The following IMMP2L variants were observed in gnomAD, a reference collection of about 807,000 sequenced individuals.
IMMP2L encodes inner mitochondrial membrane peptidase subunit 2.
In IMMP2L, 18 loss-of-function variants were observed where a neutral mutation model predicts 19.3. That is an observed-to-expected ratio of 0.93 (90% CI 0.64 to 1.38). The LOEUF (loss-of-function observed/expected upper bound fraction) is 1.38, where lower values mean the gene tolerates loss of function less well. Among genes scored for constraint, IMMP2L ranks in the 40% most tolerant of loss-of-function variants. IMMP2L has a pLI of 0.00. For synonymous variants in IMMP2L, 76 were observed against 73.0 expected, an observed-to-expected ratio of 1.04 and a Z score of -0.21; for missense variants, 233 against 218.2, an observed-to-expected ratio of 1.07 and a Z score of -0.43.
At chr7:111,431,966 T>C (rs1836675957) in intron 3 of IMMP2L, among the ~76,000 whole-genome samples, 1 of 151,840 alleles carries the variant, frequency 6.6e-6, no homozygotes, top group African/African-American at 2.4e-5. Context: ...AACAAAAAGT[T>C]AGTACTCAGA....
intron 3 of IMMP2L, among the ~76,000 whole-genome samples, chr7:111,389,861 C>T (rs1832162805): frequency 1.3e-5 from 2 of 152,030 alleles, no homozygotes; most frequent in South Asian, 4.2e-4. Context: ...CTAATACAGC[C>T]TATATAATTC....
chr7:111,440,174 A>G (rs1277196038), intron 3 of IMMP2L, among the ~76,000 whole-genome samples: 1 of 151,262 alleles, frequency 6.6e-6, no homozygotes, highest in African/African-American at 2.4e-5. Flanking sequence ...TGGTATTTTG[A>G]CCTCCTCCCA....
chr7:110,979,343 T>A (rs1821013588), intron 3 of IMMP2L, among the ~76,000 whole-genome samples: 1 of 152,156 alleles, frequency 6.6e-6, no homozygotes, highest in Admixed American at 6.5e-5. Flanking sequence ...TTATAATGGT[T>A]AGTAGCATTT....
At chr7:111,447,339 T>C (rs1178197656) in intron 3 of IMMP2L, among the ~76,000 whole-genome samples, 1 of 138,228 alleles carries the variant, frequency 7.2e-6, no homozygotes, top group Non-Finnish European at 1.6e-5. Context: ...GGGAAGCCCA[T>C]CAGACTAACA....
intron 3 of IMMP2L, among the ~76,000 whole-genome samples, chr7:111,447,589 G>C (rs924874824): frequency 1.3e-5 from 2 of 150,272 alleles, no homozygotes; most frequent in African/African-American, 4.9e-5. Context: ...ACCGGTACCA[G>C]CCGCTGCAAA....
chr7:111,547,624 T>C (rs149285758), intron 1 of IMMP2L, among the ~76,000 whole-genome samples: 2,484 of 151,740 alleles, frequency 0.016, 65 homozygotes, highest in African/African-American at 0.057. Context: ...GGTGTGATTA[T>C]GGCTCACTGC....
At chr7:111,200,665 T>C (rs1229505742) in intron 3 of IMMP2L, among the ~76,000 whole-genome samples, 1 of 152,028 alleles carries the variant, frequency 6.6e-6, no homozygotes, top group African/African-American at 2.4e-5. Context: ...TAATAAATAA[T>C]AGACATAATA....
Position 111,213,483 on chromosome 7 carries a change from G to A in IMMP2L, c.240-249918C>T, listed in dbSNP as rs1811555215. On this transcript the variant is annotated intron_variant, in intron 3 of 5. Coordinates refer to ENST00000405709, the MANE Select transcript of IMMP2L (RefSeq NM_032549.4). This position sits in a 1 kb window ranked among gnomAD's most constrained non-coding sequence, Gnocchi z 4.8. ...CTAGCAAGGCCCCACCTTCAAGCTGGGGAGGGCCTGAAGCCCTCCAGGGGC... is the reference window on the plus strand; with the variant it reads ...CTAGCAAGGCCCCACCTTCAAGCTGAGGAGGGCCTGAAGCCCTCCAGGGGC... Among the ~76,000 whole-genome samples the A allele has an allele frequency of 6.6e-6, 1 of 152,144 alleles. No individual in the cohort carries two copies. The highest frequency in any genetic ancestry group is 1.5e-5 in the Non-Finnish European group (1 of 68,022).
chr7:111,026,147 A>G (rs1238927780), intron 3 of IMMP2L, among the ~76,000 whole-genome samples: 1 of 152,202 alleles, frequency 6.6e-6, no homozygotes, highest in East Asian at 1.9e-4. Flanking sequence ...AACTAAGTCT[A>G]TAACAGTCAC....
At chr7:111,253,470 G>GT (rs1463480309) in intron 3 of IMMP2L, among the ~76,000 whole-genome samples, 1 of 152,082 alleles carries the variant, frequency 6.6e-6, no homozygotes. Flanking sequence ...GGAATTTCAG[G>GT]TAACATGACA....
At chr7:111,146,762 G>GA (rs1456119639) in intron 3 of IMMP2L, among the ~76,000 whole-genome samples, 1 of 151,962 alleles carries the variant, frequency 6.6e-6, no homozygotes, top group Non-Finnish European at 1.5e-5. Context: ...GAAACGTTTT[G>GA]AAAAAAACAA....
At chr7:111,450,193 A>T (rs2131896409) in intron 3 of IMMP2L, among the ~76,000 whole-genome samples, 1 of 151,358 alleles carries the variant, frequency 6.6e-6, no homozygotes, top group South Asian at 2.1e-4. Context: ...CTTTCTTCAC[A>T]GAATTGGAAA....
intron 3 of IMMP2L, among the ~76,000 whole-genome samples, chr7:111,075,895 T>C (rs1165448438): frequency 6.6e-6 from 1 of 152,176 alleles, no homozygotes; most frequent in Non-Finnish European, 1.5e-5. Flanking sequence ...TTCTGAACTA[T>C]TAGAAAAAAA....
At chr7:111,168,456 A>T (rs192040309) in intron 3 of IMMP2L, among the ~76,000 whole-genome samples, 1 of 152,032 alleles carries the variant, frequency 6.6e-6, no homozygotes, top group Non-Finnish European at 1.5e-5. Flanking sequence ...AGAGTAGGTC[A>T]GTGCATTTTA....
intron 3 of IMMP2L, among the ~76,000 whole-genome samples, chr7:111,412,215 G>T (rs1407046312): frequency 6.6e-6 from 1 of 151,698 alleles, no homozygotes; most frequent in African/African-American, 2.4e-5. Flanking sequence ...AATAATAGCT[G>T]GAGATTTCAA....
chr7:111,474,037 G>A (rs1001480897), intron 3 of IMMP2L, among the ~76,000 whole-genome samples: 1 of 152,094 alleles, frequency 6.6e-6, no homozygotes, highest in Non-Finnish European at 1.5e-5. Flanking sequence ...AACGCAGATG[G>A]AGGCCATTAT....
intron 3 of IMMP2L, among the ~76,000 whole-genome samples, chr7:111,417,978 T>G (rs746103276): frequency 2.0e-5 from 3 of 151,828 alleles, no homozygotes; most frequent in Non-Finnish European, 4.4e-5. Flanking sequence ...AAAATCTTCC[T>G]AACCATAGTA....
chr7:111,417,465 C>CA (rs2131571996), intron 3 of IMMP2L, among the ~76,000 whole-genome samples: 2 of 151,832 alleles, frequency 1.3e-5, no homozygotes, highest in African/African-American at 4.9e-5. Context: ...ATTAGTTTAC[C>CA]ATCTGTTCCA....
At chr7:111,411,580 T>G (rs181800115) in intron 3 of IMMP2L, 59 of 319,170 alleles carry the variant, frequency 1.8e-4, no homozygotes, top group Middle Eastern at 1.2e-3. Flanking sequence ...AACAGGCTGA[T>G]TTAGACATCG....
Sources: gnomAD v4.1 joint callset for allele counts (sites outside exome capture counted in the v4.1 genomes callset) on GRCh38, gnomAD v4.1.1 for gene constraint, Gnocchi (gnomAD v3.1) non-coding constraint, MANE v1.5 for transcripts, NCBI Gene and HGNC (gene_info 2026-07-23, HGNC 2026-07-21) for gene names.